The following SLC44A5 variants were observed in gnomAD, a reference collection of about 807,000 sequenced individuals.
SLC44A5 encodes the protein solute carrier family 44 member 5.
In SLC44A5, 57 loss-of-function variants were observed where a neutral mutation model predicts 101.8. The ratio of observed to expected loss-of-function variants is 0.56; its 90% CI spans 0.45 to 0.70. SLC44A5 has a LOEUF of 0.70. SLC44A5 is among the 30% of genes least tolerant of loss of function. The pLI, the probability that SLC44A5 is intolerant of heterozygous loss-of-function variation, is 0.00. For missense variants in SLC44A5, 737 were observed against 853.1 expected (o/e 0.86, Z 1.70); for synonymous variants, 281 against 290.9 (o/e 0.97, Z 0.35).
At chr1:75,256,225 A>T (rs988188337) in intron 6 of SLC44A5, among the ~76,000 whole-genome samples, 1 of 152,166 alleles carries the variant, frequency 6.6e-6, no homozygotes, top group Non-Finnish European at 1.5e-5. Flanking sequence ...AAAGCTATGC[A>T]ATAGGCCTAC....
chr1:75,252,338 A>G (rs1649647776), intron 6 of SLC44A5, among the ~76,000 whole-genome samples: 2 of 152,214 alleles, frequency 1.3e-5, no homozygotes, highest in African/African-American at 4.8e-5. Context: ...TATTTTTCCT[A>G]CCACTCAAAA....
chr1:75,425,651 T>G (rs567575669), intron 2 of SLC44A5, among the ~76,000 whole-genome samples: 1 of 152,174 alleles, frequency 6.6e-6, no homozygotes, highest in Non-Finnish European at 1.5e-5. Context: ...AGACCATGGG[T>G]AGTGGCAGCC....
intron 12 of SLC44A5, among the ~76,000 whole-genome samples, chr1:75,231,775 C>T (rs796523517): frequency 2.6e-5 from 4 of 152,172 alleles, no homozygotes; most frequent in African/African-American, 9.6e-5. Flanking sequence ...AATCTGGGAT[C>T]GTGCCTTTTT....
intron 4 of SLC44A5, among the ~76,000 whole-genome samples, chr1:75,321,846 G>T (rs980738723): frequency 2.6e-5 from 4 of 152,064 alleles, no homozygotes; most frequent in Non-Finnish European, 5.9e-5. Context: ...GTCATTACTA[G>T]GTTTCTTAGT....
In SLC44A5 at chr1:75,605,320, A is replaced by T. The variant is rs570263386; in HGVS notation, c.-70+5720T>A. Reference sequence around the variant, plus strand: ...GAGTTTCTTCAGAGCCTTTCTTAAAAGATAAGGCACATATTGAAGGTAGAG... The same window carrying T: ...GAGTTTCTTCAGAGCCTTTCTTAAATGATAAGGCACATATTGAAGGTAGAG... On this transcript the variant is annotated intron_variant, in intron 1 of 23. Coordinates refer to ENST00000370859, the MANE Select transcript of SLC44A5 (RefSeq NM_001130058.2). Among the ~76,000 whole-genome samples the T allele has an allele frequency of 7.9e-5, 12 of 152,160 alleles. No individual in the cohort carries two copies. In the East Asian group the frequency reaches 2.1e-3, roughly 27 times the overall value.
At chr1:75,391,761 A>G (rs1214405040) in intron 3 of SLC44A5, among the ~76,000 whole-genome samples, 1 of 152,228 alleles carries the variant, frequency 6.6e-6, no homozygotes, top group African/African-American at 2.4e-5. Flanking sequence ...ACCTCAAACT[A>G]TAAGAATACT....
chr1:75,377,448 T>A (rs1660707192), intron 3 of SLC44A5, among the ~76,000 whole-genome samples: 1 of 8,420 alleles, frequency 1.2e-4, no homozygotes, highest in East Asian at 1.8e-3. Flanking sequence ...TGTGATAGTC[T>A]GAAATATGGC....
intron 2 of SLC44A5, among the ~76,000 whole-genome samples, chr1:75,521,043 G>A (rs1046796161): frequency 5.9e-5 from 9 of 152,054 alleles, no homozygotes; most frequent in African/African-American, 1.7e-4. Flanking sequence ...CACTTAACTC[G>A]TTAACAGAAA....
At chr1:75,657,108 C>T in the SLC44A5 span, among the ~76,000 whole-genome samples, 1 of 152,044 alleles carries the variant, frequency 6.6e-6, no homozygotes, top group African/African-American at 2.4e-5. Context: ...GAGATCAAGT[C>T]ACTGCACTCC....
intron 3 of SLC44A5, among the ~76,000 whole-genome samples, chr1:75,350,658 G>T (rs1311573392): frequency 6.6e-6 from 1 of 151,702 alleles, no homozygotes; most frequent in Non-Finnish European, 1.5e-5. Context: ...ACTTTCGGAG[G>T]CCAAGGCGGG....
chr1:75,653,702 T>C, the SLC44A5 span, among the ~76,000 whole-genome samples: 1 of 152,188 alleles, frequency 6.6e-6, no homozygotes, highest in Non-Finnish European at 1.5e-5. Context: ...AATTCAAATA[T>C]AACAATTATT....
intron 2 of SLC44A5, among the ~76,000 whole-genome samples, chr1:75,472,805 G>A (rs904419280): frequency 2.0e-5 from 3 of 152,102 alleles, no homozygotes; most frequent in Non-Finnish European, 2.9e-5. Context: ...AAGCATTGCA[G>A]CCCTGTCCTC....
chr1:75,666,905 C>G, the SLC44A5 span, among the ~76,000 whole-genome samples: 2 of 152,120 alleles, frequency 1.3e-5, no homozygotes, highest in Non-Finnish European at 1.5e-5. Context: ...GCTAAAAACT[C>G]TCAATAAACT....
the SLC44A5 span, among the ~76,000 whole-genome samples, chr1:75,672,610 C>G: frequency 6.6e-6 from 1 of 152,146 alleles, no homozygotes; most frequent in Non-Finnish European, 1.5e-5. Flanking sequence ...CCTAGTGAGA[C>G]AGCAACCAGG....
At chr1:75,645,068 A>G in the SLC44A5 span, among the ~76,000 whole-genome samples, 1 of 152,118 alleles carries the variant, frequency 6.6e-6, no homozygotes, top group Non-Finnish European at 1.5e-5. Context: ...GCTATTGTGA[A>G]TAGTGCCACA....
chr1:75,562,210 T>C (rs1672556138), intron 1 of SLC44A5, among the ~76,000 whole-genome samples: 1 of 152,074 alleles, frequency 6.6e-6, no homozygotes, highest in Non-Finnish European at 1.5e-5. Flanking sequence ...GAAATACTAG[T>C]ATTTCCCAGA....
At chr1:75,536,003 A>G (rs1374091004) in intron 2 of SLC44A5, among the ~76,000 whole-genome samples, 1 of 149,660 alleles carries the variant, frequency 6.7e-6, no homozygotes, top group Non-Finnish European at 1.5e-5. Flanking sequence ...GAGCCCAGGA[A>G]TTTGTGAGCA....
chr1:75,207,937 C>T (rs1490099671), intron 23 of SLC44A5, among the ~76,000 whole-genome samples: 1 of 152,118 alleles, frequency 6.6e-6, no homozygotes, highest in African/African-American at 2.4e-5. Context: ...TTCCCTTAGT[C>T]ACTTAGTAGC....
intron 1 of SLC44A5, among the ~76,000 whole-genome samples, chr1:75,548,714 T>TGTG: frequency 6.6e-6 from 1 of 152,258 alleles, no homozygotes; most frequent in Non-Finnish European, 1.5e-5. Context: ...ACTTGGAAAC[T>TGTG]GTGGCATAGA....
Sources: allele counts gnomAD v4.1 joint callset (sites outside exome capture counted in the v4.1 genomes callset), GRCh38; gene constraint gnomAD v4.1.1; transcripts MANE v1.5; gene names NCBI Gene and HGNC (gene_info 2026-07-23, HGNC 2026-07-21).